Variants in GRIP1 observed in about 807,000 individuals in gnomAD.
GRIP1 encodes glutamate receptor-interacting protein 1.
Under a neutral mutation model 129.9 loss-of-function variants are expected in GRIP1, and 45 were observed. The ratio of observed to expected loss-of-function variants is 0.35; its 90% CI spans 0.27 to 0.44. The LOEUF (loss-of-function observed/expected upper bound fraction) is 0.44. Among genes scored for constraint, GRIP1 ranks in the 20% least tolerant of loss-of-function variants. GRIP1 has a pLI of 1.00. For missense variants in GRIP1, 1,196 were observed against 1,396.8 expected (o/e 0.86, Z 2.29); for synonymous variants, 530 against 520.8 (o/e 1.02, Z -0.24).
At chr12:66,437,755 G>A (rs893398454) in intron 13 of GRIP1, among the ~76,000 whole-genome samples, 1 of 152,108 alleles carries the variant, frequency 6.6e-6, no homozygotes, top group African/African-American at 2.4e-5. Context: ...GGGTGCTGCT[G>A]AATGTTCTAC....
chr12:66,376,542 A>C (rs2055792124), intron 22 of GRIP1, among the ~76,000 whole-genome samples: 2 of 152,236 alleles, frequency 1.3e-5, no homozygotes, highest in Admixed American at 6.5e-5. Flanking sequence ...TTCTTCCTTG[A>C]ATTCACACTA....
chr12:66,686,587 T>TTGA (rs2034793417), intron 1 of GRIP1, among the ~76,000 whole-genome samples: 1 of 152,358 alleles, frequency 6.6e-6, no homozygotes, highest in South Asian at 2.1e-4. Context: ...AGCTGCTATT[T>TTGA]TGATGACTTT....
intron 1 of GRIP1, among the ~76,000 whole-genome samples, chr12:66,852,108 A>T (rs981598341): frequency 3.9e-5 from 6 of 152,080 alleles, no homozygotes; most frequent in Non-Finnish European, 8.8e-5. Flanking sequence ...GAGCTTTTGA[A>T]GGGGACTGAG....
rs1398585904 is a variant in GRIP1 at position 66,613,774 on chromosome 12, TAGGGTGC to T, written c.56-16854_56-16848del. ...ATTTGTTCTTTCCCTGAATCACTATTAGGGTGCAGTCACTTTTTATTCGACTTAGGTT... is the reference window on the plus strand; with the variant it reads ...ATTTGTTCTTTCCCTGAATCACTATTAGTCACTTTTTATTCGACTTAGGTT... On this transcript the variant is annotated intron_variant, in intron 1 of 24. Coordinates refer to ENST00000359742, the MANE Select transcript of GRIP1 (RefSeq NM_001366722.1). 5.9e-5 allele frequency among the ~76,000 whole-genome samples: 9 copies of T among 152,296 alleles called. No homozygotes were observed. In the East Asian group the frequency reaches 1.7e-3, roughly 29 times the overall value.
At chr12:66,680,521 C>A (rs2034543311), upstream of GRIP1, among the ~76,000 whole-genome samples, 1 of 152,038 alleles carries the variant, frequency 6.6e-6, no homozygotes, top group African/African-American at 2.4e-5. Context: ...GACTGCAGTG[C>A]AAAATCAAAT....
chr12:66,416,213 A>T (rs1293526456), intron 15 of GRIP1, among the ~76,000 whole-genome samples: 1 of 152,204 alleles, frequency 6.6e-6, no homozygotes, highest in Non-Finnish European at 1.5e-5. Flanking sequence ...GAAACAAATG[A>T]TAATGGAAAC....
intron 1 of GRIP1, among the ~76,000 whole-genome samples, chr12:66,695,896 G>A (rs1157831733): frequency 6.6e-6 from 1 of 152,152 alleles, no homozygotes; most frequent in Non-Finnish European, 1.5e-5. Flanking sequence ...CAGTAGGAAA[G>A]GTTCACAGAG....
At chr12:66,516,780 T>C (rs574605643) in intron 6 of GRIP1, among the ~76,000 whole-genome samples, 1 of 152,298 alleles carries the variant, frequency 6.6e-6, no homozygotes, top group Non-Finnish European at 1.5e-5. Context: ...CAAATATACG[T>C]CAGCAAAAGT....
At chr12:66,697,663 T>C (rs2136337995) in intron 1 of GRIP1, among the ~76,000 whole-genome samples, 1 of 152,288 alleles carries the variant, frequency 6.6e-6, no homozygotes, top group East Asian at 1.9e-4. Flanking sequence ...CTGAGCTGAG[T>C]CAGGCACAGG....
intron 1 of GRIP1, among the ~76,000 whole-genome samples, chr12:66,622,039 G>A (rs2065290243): frequency 6.6e-6 from 1 of 152,088 alleles, no homozygotes; most frequent in African/African-American, 2.4e-5. Context: ...CCCATTCCAT[G>A]GGTTGCCTTT....
At chr12:66,545,088 A>C (rs61242427) in intron 2 of GRIP1, among the ~76,000 whole-genome samples, 165 of 152,258 alleles carry the variant, frequency 1.1e-3, no homozygotes, top group African/African-American at 3.2e-3. Context: ...AGCAAGCAGC[A>C]CAGGCAACAG....
intron 1 of GRIP1, among the ~76,000 whole-genome samples, chr12:66,701,983 A>G (rs994443550): frequency 4.6e-5 from 7 of 152,300 alleles, no homozygotes; most frequent in South Asian, 2.1e-4. Flanking sequence ...TAGTGAATAC[A>G]GTCATTCAGA....
At chr12:67,010,234 C>A (rs1392642136) in intron 1 of GRIP1, among the ~76,000 whole-genome samples, 1 of 152,076 alleles carries the variant, frequency 6.6e-6, no homozygotes, top group Admixed American at 6.6e-5. Context: ...AATGAGCCAA[C>A]ACATAGTAGA....
At chr12:66,958,411 C>T (rs2041874695) in intron 1 of GRIP1, among the ~76,000 whole-genome samples, 3 of 152,148 alleles carry the variant, frequency 2.0e-5, no homozygotes, top group African/African-American at 4.8e-5. Flanking sequence ...GCATTAGAAG[C>T]GTGGGCCACC....
At chr12:66,447,772 T>C (rs930761068) in intron 11 of GRIP1, among the ~76,000 whole-genome samples, 3 of 152,184 alleles carry the variant, frequency 2.0e-5, no homozygotes, top group African/African-American at 7.2e-5. Flanking sequence ...TCTATAGACG[T>C]GTACTGATTC....
At chr12:66,785,623 A>G (rs1200020113) in intron 1 of GRIP1, among the ~76,000 whole-genome samples, 1 of 152,070 alleles carries the variant, frequency 6.6e-6, no homozygotes, top group Non-Finnish European at 1.5e-5. Flanking sequence ...CAAATGTAGT[A>G]AAGTGACCCA....
At chr12:66,439,592 T>C (rs999149400) in intron 13 of GRIP1, among the ~76,000 whole-genome samples, 1 of 152,222 alleles carries the variant, frequency 6.6e-6, no homozygotes, top group Non-Finnish European at 1.5e-5. Flanking sequence ...CAGCCTACCA[T>C]CAACTATGTG....
intron 1 of GRIP1, among the ~76,000 whole-genome samples, chr12:66,704,625 C>A (rs1476222386): frequency 6.6e-6 from 1 of 151,978 alleles, no homozygotes; most frequent in Non-Finnish European, 1.5e-5. Context: ...GAATGTGTAC[C>A]CCTACAGGTG....
intron 7 of GRIP1, among the ~76,000 whole-genome samples, chr12:66,475,881 G>T (rs1053358242): frequency 2.0e-5 from 3 of 152,276 alleles, no homozygotes; most frequent in African/African-American, 2.4e-5. Context: ...AAGCAGGAAA[G>T]ATCTAAAATT....
Sources: gnomAD v4.1 joint callset for allele counts (sites outside exome capture counted in the v4.1 genomes callset) on GRCh38, gnomAD v4.1.1 for gene constraint, MANE v1.5 for transcripts, NCBI Gene and HGNC (gene_info 2026-07-23, HGNC 2026-07-21) for gene names.